The following ITIH2 variants were observed in gnomAD, a reference collection of about 807,000 sequenced individuals.
ITIH2 encodes the protein inter-alpha-trypsin inhibitor heavy chain H2.
In ITIH2, 103 loss-of-function variants were observed where a neutral mutation model predicts 104.4. The observed-to-expected ratio is 0.99, with a 90% CI of 0.84 to 1.16. The LOEUF is 1.16. ITIH2 is among the 50% of genes most tolerant of loss of function. The probability of loss-of-function intolerance (pLI) is 0.00; values close to 1 mark genes in which losing one functional copy is unlikely to be tolerated. For missense variants in ITIH2, 1,108 were observed against 1,162.4 expected, an observed-to-expected ratio of 0.95 and a Z score of 0.68; for synonymous variants, 436 against 435.4, an observed-to-expected ratio of 1.00 and a Z score of -0.02.
chr10:7,712,203 G>C (rs960686835), intron 4 of ITIH2, among the ~76,000 whole-genome samples: 4 of 152,164 alleles, frequency 2.6e-5, no homozygotes, highest in Non-Finnish European at 4.4e-5. Context: ...AGTTCTGAAG[G>C]CCGGGAAGTC....
At chr10:7,721,511 AG>A in intron 7 of ITIH2, 137 bp from the exon 8 acceptor site, 1 of 701,266 alleles carries the variant, frequency 1.4e-6, no homozygotes, top group Non-Finnish European at 2.3e-6. Flanking sequence ...CCTTCCCATC[AG>A]TAATGGGTCC....
At chr10:7,747,365 G>A (rs1829510422) in intron 20 of ITIH2, among the ~76,000 whole-genome samples, 1 of 152,156 alleles carries the variant, frequency 6.6e-6, no homozygotes, top group Non-Finnish European at 1.5e-5. Context: ...CATTGGCTTT[G>A]ACATACTTAA....
At chr10:7,737,654 TATA>T (rs1404324471) in intron 15 of ITIH2, among the ~76,000 whole-genome samples, 9 of 71,454 alleles carry the variant, frequency 1.3e-4, no homozygotes, top group South Asian at 4.6e-4. Context: ...TATTCTATAT[TATA>T]TTCTATATTA....
Position 7,727,819 on chromosome 10 carries a change from C to A in ITIH2, c.1270C>A (p.Pro424Thr), listed in dbSNP as rs201966331. 6.2e-7 allele frequency: 1 copy of A among 1,614,132 alleles called. No individual in the cohort carries two copies. Among genetic ancestry groups the A allele is most frequent in the East Asian group, 2.2e-5 (1 of 44,888 alleles). ...SLIILVSDGD[P>T]TVGELKLSKI... The stretch of plus-strand genomic sequence containing the variant: ...GATCATTTTGGTTTCTGATGGAGAT[C>A]CAACAGTGGGCAAGTGTCACTTCAA... The change falls in exon 11 of 21, where the codon CCA becomes ACA. Residue 424 changes from proline (P) to threonine (T), a missense_variant. Coordinates refer to ENST00000358415, the MANE Select transcript of ITIH2 (RefSeq NM_002216.3).
intron 18 of ITIH2, among the ~76,000 whole-genome samples, chr10:7,744,573 G>A (rs750128504): frequency 9.2e-5 from 14 of 152,162 alleles, no homozygotes; most frequent in African/African-American, 1.2e-4. Flanking sequence ...TGACTCTATC[G>A]CAGAGTGAGC....
At chr10:7,715,740 TATTTC>T (rs1834842790) in intron 5 of ITIH2, among the ~76,000 whole-genome samples, 1 of 152,348 alleles carries the variant, frequency 6.6e-6, no homozygotes, top group Admixed American at 6.5e-5. Context: ...CTTACTTATT[TATTTC>T]TTTTCTTTTG....
chr10:7,703,589 T>TA, intron 1 of ITIH2, 71 bp downstream of exon 1: 1 of 920,202 alleles, frequency 1.1e-6, no homozygotes, highest in South Asian at 1.3e-5. Flanking sequence ...TTGGAATCGC[T>TA]ATTCAATGGC....
At chr10:7,713,418 A>G in intron 5 of ITIH2, 133 bp downstream of exon 5, 1 of 655,712 alleles carries the variant, frequency 1.5e-6, no homozygotes, top group Non-Finnish European at 2.7e-6. Context: ...TCAGAGCCAG[A>G]TGTTAGAATT....
rs1835077458 is a variant in ITIH2, at chr10:7,737,719, ATATAATATTCTATAT to A, written c.1958-897_1958-883del. On this transcript the variant is annotated intron_variant, in intron 15 of 20. Coordinates refer to ENST00000358415, the MANE Select transcript of ITIH2 (RefSeq NM_002216.3). ...TATATAATATTCTATATTATATTCT[ATATAATATTCTATAT>A]TATATTCTATATAATATTCTATATT... is the stretch of plus-strand genomic sequence containing the variant. Among the ~76,000 whole-genome samples, 10 of 46,614 alleles carry A rather than the reference ATATAATATTCTATAT, an allele frequency of 2.1e-4. 5 individuals carry two copies. Among genetic ancestry groups the A allele is most frequent in the Non-Finnish European group, 2.6e-4 (8 of 30,626 alleles). 30.6% of individuals were successfully genotyped at this position (46,614 alleles called of 152,430 possible).
At position 7,735,046 on chromosome 10, in the gene ITIH2, C is replaced by A; in HGVS notation, c.1912C>A (p.Arg638Ser). ...LVIENEAGDE[R>S]MLADAPPQDP... ...GATCGAGAACGAGGCTGGGGATGAG[C>A]GCATGCTGGCGGATGCCCCACCGCA... The change falls in exon 15 of 21, where the codon CGC becomes AGC. Residue 638 changes from arginine (R) to serine (S), a missense_variant. Transcript: ENST00000358415. The A allele has an allele frequency of 6.2e-7, 1 of 1,612,650 alleles. No homozygotes were observed. The highest frequency in any genetic ancestry group is 8.5e-7 in the Non-Finnish European group (1 of 1,180,010).
chr10:7,721,334 G>A (rs1834900560), intron 7 of ITIH2, among the ~76,000 whole-genome samples: 1 of 152,202 alleles, frequency 6.6e-6, no homozygotes, highest in Non-Finnish European at 1.5e-5. Context: ...CCTGTAAGGA[G>A]AAACTCCTCT....
chr10:7,721,698 A>G lies in ITIH2; in HGVS notation c.788A>G (p.Asn263Ser), dbSNP rs7075296. 1,611,587 of 1,614,022 alleles carry G rather than the reference A, an allele frequency of 1. 804,608 individuals are homozygous for G. Among genetic ancestry groups the G allele is most frequent in the East Asian group, 1 (44,850 of 44,850 alleles). ...PTVAQQRICP[N>S]CRETAVDGEL... The stretch of plus-strand genomic sequence containing the variant: ...GTAGCACAGCAGAGAATATGCCCTA[A>G]CTGCCGGGAGACTGCGGTAGATGGG... Residue 263 changes from asparagine to serine, a missense_variant, in exon 8 of 21, where the codon AAC becomes AGC. Coordinates refer to ENST00000358415, the MANE Select transcript of ITIH2 (RefSeq NM_002216.3).
intron 5 of ITIH2, 22 bp downstream of exon 5, chr10:7,713,307 C>T: frequency 6.4e-7 from 1 of 1,555,104 alleles, no homozygotes; most frequent in Non-Finnish European, 8.9e-7. Context: ...GTGAGCAAGG[C>T]TTGCCCTTGC....
chr10:7,730,238 T>C, intron 12 of ITIH2, 105 bp downstream of exon 12: 1 of 842,318 alleles, frequency 1.2e-6, no homozygotes, highest in Non-Finnish European at 1.8e-6. Context: ...AAAATGGTCA[T>C]GATCTCAGCC....
chr10:7,715,018 G>A (rs147633865), intron 5 of ITIH2, among the ~76,000 whole-genome samples: 2 of 152,324 alleles, frequency 1.3e-5, no homozygotes, highest in East Asian at 1.9e-4. Flanking sequence ...AGAGGATACA[G>A]AGCACCAACT....
At chr10:7,740,466 A>C (rs556285902) in intron 16 of ITIH2, among the ~76,000 whole-genome samples, 3 of 152,314 alleles carry the variant, frequency 2.0e-5, no homozygotes, top group Admixed American at 1.3e-4. Flanking sequence ...AGTTGCTTTT[A>C]CTGTGCCTTT....
Position 7,721,633 on chromosome 10 carries a change from T to A in ITIH2, c.739-16T>A. On this transcript the variant is annotated splice_polypyrimidine_tract_variant and intron_variant, in intron 7 of 20. Transcript: ENST00000358415. ...GGGGCTAGAGGCAGAGGCTCTGATG[T>A]CACCGTTCTTTCTAGGCGCACGTCT... 6.2e-7 allele frequency: 1 copy of A among 1,611,656 alleles called. No individual in the cohort carries two copies. The highest frequency in any genetic ancestry group is 8.5e-7 in the Non-Finnish European group (1 of 1,178,410).
Position 7,732,594 on chromosome 10 carries a change from G to A in ITIH2, c.1787+117G>A. ...GCAAGAAAGACAGCACATTAGCACA[G>A]GCTTGGATTATTACCTTCCACTAGT... is the stretch of plus-strand genomic sequence containing the variant. On this transcript the variant is annotated intron_variant, in intron 14 of 20. Coordinates refer to ENST00000358415, the MANE Select transcript of ITIH2 (RefSeq NM_002216.3). The A allele has an allele frequency of 2.8e-6, 3 of 1,070,324 alleles. No individual in the cohort carries two copies. The South Asian group carries it at 5.0e-5, about 18-fold the overall frequency. 66.3% of individuals were successfully genotyped at this position (1,070,324 alleles called of 1,614,324 possible). A position where few individuals can be genotyped will look rare whatever the true frequency, so the allele number is the denominator to read the frequency against.
In ITIH2 at chr10:7,711,103, C is replaced by T. The variant is rs116920709; in HGVS notation, c.362+1912C>T. ...CTCCCTCCCCTTGCCCCCTACCGCC[C>T]GACAGGACACGGTGTGTAATATTCC... On this transcript the variant is annotated intron_variant, in intron 4 of 20. Transcript: ENST00000358415. Among the ~76,000 whole-genome samples the T allele has an allele frequency of 7.2e-3, 1,090 of 152,114 alleles. 9 individuals are homozygous for T. The highest frequency in any genetic ancestry group is 0.011 in the Non-Finnish European group (779 of 67,994).
Sources: gnomAD v4.1 joint callset for allele counts (sites outside exome capture counted in the v4.1 genomes callset) on GRCh38, gnomAD v4.1.1 for gene constraint, MANE v1.5 for transcripts, NCBI Gene and HGNC (gene_info 2026-07-23, HGNC 2026-07-21) for gene names.